The following CECR2 variants were observed in gnomAD, a reference collection of about 807,000 sequenced individuals.
CECR2 encodes the protein chromatin remodeling regulator CECR2.
CECR2 carries 30 observed loss-of-function variants against 154.5 expected under a neutral mutation model. The ratio of observed to expected loss-of-function variants is 0.19; its 90% CI spans 0.15 to 0.26. The LOEUF is 0.26. CECR2 is among the 10% of genes least tolerant of loss of function. The pLI is 1.00. For synonymous variants in CECR2, 725 were observed against 683.7 expected, an observed-to-expected ratio of 1.06 and a Z score of -0.94; for missense variants, 1,743 against 1,829.3, an observed-to-expected ratio of 0.95 and a Z score of 0.86.
chr22:17,499,093 G>C (rs180836491), intron 3 of CECR2, among the ~76,000 whole-genome samples: 2 of 152,102 alleles, frequency 1.3e-5, no homozygotes, highest in East Asian at 3.9e-4. Context: ...AGGTTCAAGC[G>C]ATTCTCCTGC....
Position 17,407,061 on chromosome 22 carries a change from TTGAG to T in CECR2, c.126+37154_126+37157del, listed in dbSNP as rs574665911. ...CAGAAACTACCAGTCCTTTGATAACTTGAGTATTAGCTTATTAGCCGTGTTCTTG... is the reference window on the plus strand; with the variant it reads ...CAGAAACTACCAGTCCTTTGATAACTTATTAGCTTATTAGCCGTGTTCTTG... On this transcript the variant is annotated intron_variant, in intron 1 of 18. Coordinates refer to ENST00000262608, the MANE Select transcript of CECR2 (RefSeq NM_001290047.2). Among the ~76,000 whole-genome samples, 18 of 152,324 alleles carry T rather than the reference TTGAG, an allele frequency of 1.2e-4. No homozygotes were observed. In the East Asian group the frequency reaches 3.3e-3, roughly 28 times the overall value.
chr22:17,465,180 TAA>T lies in CECR2; in HGVS notation c.127-12406_127-12405del, dbSNP rs1392310305. On this transcript the variant is annotated intron_variant, in intron 1 of 18. Transcript: ENST00000262608. Reference sequence around the variant, plus strand: ...CCCGGCTAAGTTTTTGTATTTTTAGTAAAGACGGGGTTTCACCGTGTTAGCCA... The same window carrying T: ...CCCGGCTAAGTTTTTGTATTTTTAGTAGACGGGGTTTCACCGTGTTAGCCA... Among the ~76,000 whole-genome samples the T allele has an allele frequency of 1.2e-4, 18 of 151,968 alleles. No individual in the cohort carries two copies. The East Asian group carries it at 3.5e-3, about 30-fold the overall frequency.
At chr22:17,521,791 A>G (rs188494282) in intron 8 of CECR2, among the ~76,000 whole-genome samples, 2 of 152,220 alleles carry the variant, frequency 1.3e-5, no homozygotes, top group Non-Finnish European at 2.9e-5. Context: ...TTTTGTTGCC[A>G]TTGCTTTTGG....
chr22:17,385,999 CT>C (rs1955447276), intron 1 of CECR2, among the ~76,000 whole-genome samples: 1 of 152,192 alleles, frequency 6.6e-6, no homozygotes, highest in Admixed American at 6.5e-5. Flanking sequence ...GCCTTCAGCA[CT>C]GCGGATTACC....
At chr22:17,452,379 T>G (rs2054785436) in intron 1 of CECR2, among the ~76,000 whole-genome samples, 1 of 152,172 alleles carries the variant, frequency 6.6e-6, no homozygotes, top group African/African-American at 2.4e-5. Context: ...AGGCTGAATT[T>G]TATTCTGAGT....
Position 17,540,625 on chromosome 22 carries a change from T to C in CECR2, c.1709T>C (p.Met570Thr). Residue 570 changes from methionine to threonine, a missense_variant, in exon 14 of 19, where the codon ATG becomes ACG. Physicochemically the swap from Met to Thr is moderately conservative, Grantham distance 81. Transcript: ENST00000262608. ...PEGSSRKQQP[M>T]ENGGKSLPPT... is the part of the protein sequence containing the mutation. ...GGGTCCAGCAGGAAACAGCAGCCCA[T>C]GGAGAATGGAGGAAAGTCGTTGCCC... The C allele has an allele frequency of 3.1e-6, 5 of 1,613,790 alleles. No homozygotes were observed. The East Asian group carries it at 6.7e-5, about 22-fold the overall frequency.
In CECR2 at chr22:17,548,339, G is replaced by A. The variant is rs993502269; in HGVS notation, c.3052G>A (p.Ala1018Thr). The change falls in exon 17 of 19, where the codon GCA becomes ACA. Residue 1018 changes from alanine (A) to threonine (T), a missense_variant. This residue lies in a region of CECR2 where 1,250 missense variants were observed against 1,192.1 expected (regional missense o/e 1.05). Transcript: ENST00000262608. Reference sequence around the variant, plus strand: ...CTCCGAATCTGCGGACAACTGTAAAGCAATGAAGGGCAAGAATCCCTGGCC... The same window carrying A: ...CTCCGAATCTGCGGACAACTGTAAAACAATGAAGGGCAAGAATCCCTGGCC... Reference protein sequence around the residue: ...SSSESADNCKAMKGKNPWPSD... With the variant: ...SSSESADNCKTMKGKNPWPSD... 3 of 1,612,016 alleles carry A rather than the reference G, an allele frequency of 1.9e-6. No homozygotes were observed. The African/African-American group carries it at 4.0e-5, about 22-fold the overall frequency.
upstream of CECR2, among the ~76,000 whole-genome samples, chr22:17,365,248 T>C (rs1460807201): frequency 6.6e-6 from 1 of 151,860 alleles, no homozygotes; most frequent in Non-Finnish European, 1.5e-5. Context: ...AGAAAAAGAT[T>C]TGGATGCTTG....
intron 1 of CECR2, among the ~76,000 whole-genome samples, chr22:17,460,098 C>T (rs1022831379): frequency 2.6e-5 from 4 of 152,148 alleles, no homozygotes; most frequent in African/African-American, 7.2e-5. Flanking sequence ...TTATAACTTC[C>T]TCTTCCAGCC....
chr22:17,421,483 C>T (rs575208965), intron 1 of CECR2, among the ~76,000 whole-genome samples: 6 of 151,334 alleles, frequency 4.0e-5, no homozygotes, highest in East Asian at 1.9e-4. Context: ...GGTGTAGTGG[C>T]GGGCGCCTGT....
chr22:17,376,894 C>T (rs2063125482), intron 1 of CECR2, among the ~76,000 whole-genome samples: 1 of 152,122 alleles, frequency 6.6e-6, no homozygotes. Context: ...CCTCGGCCTC[C>T]CAAAGTACTG....
At chr22:17,433,821 A>G (rs1295037192) in intron 1 of CECR2, among the ~76,000 whole-genome samples, 2 of 152,116 alleles carry the variant, frequency 1.3e-5, no homozygotes, top group Non-Finnish European at 2.9e-5. Flanking sequence ...ATTGCTGAAA[A>G]TTGGTTCTTT....
At chr22:17,534,058 A>T (rs1467709552) in intron 9 of CECR2, among the ~76,000 whole-genome samples, 6 of 152,174 alleles carry the variant, frequency 3.9e-5, no homozygotes, top group Non-Finnish European at 1.5e-5. Flanking sequence ...GATAGGGTCA[A>T]TCATTATGCC....
Position 17,518,203 on chromosome 22 carries a change from C to A in CECR2, c.955-5915C>A, listed in dbSNP as rs928190445. On this transcript the variant is annotated intron_variant, in intron 8 of 18. Transcript: ENST00000262608. ...TAGGAGAGAGAGCCATTCTGAGGAG[C>A]GTTTACATAAATTAAGTGATTAGGC... 2.0e-5 allele frequency among the ~76,000 whole-genome samples: 3 copies of A among 152,156 alleles called. 1 individual carries two copies. Among genetic ancestry groups the A allele is most frequent in the Non-Finnish European group, 4.4e-5 (3 of 68,040 alleles).
In CECR2 at chr22:17,414,270, C is replaced by T. The variant is rs1043022570; in HGVS notation, c.126+44361C>T. ...TACAGGCGTGAGCCACTGCGCCCGG[C>T]GGAAGGAGGATTATTAATCACTCTA... On this transcript the variant is annotated intron_variant, in intron 1 of 18. Coordinates refer to ENST00000262608, the MANE Select transcript of CECR2 (RefSeq NM_001290047.2). 4.6e-5 allele frequency among the ~76,000 whole-genome samples: 7 copies of T among 152,188 alleles called. No individual in the cohort carries two copies. In the East Asian group the frequency reaches 5.8e-4, roughly 13 times the overall value.
chr22:17,365,856 T>C (rs2146423607), upstream of CECR2, among the ~76,000 whole-genome samples: 1 of 148,876 alleles, frequency 6.7e-6, no homozygotes, highest in East Asian at 2.0e-4. Flanking sequence ...GGAGACCCCC[T>C]ATGTAAAAAA....
At chr22:17,416,361 A>G (rs768114525) in intron 1 of CECR2, among the ~76,000 whole-genome samples, 4 of 152,076 alleles carry the variant, frequency 2.6e-5, no homozygotes, top group Non-Finnish European at 5.9e-5. Flanking sequence ...ATTGTCACTG[A>G]CCTTTTTTTG....
chr22:17,399,349 C>T (rs1205585696), intron 1 of CECR2, among the ~76,000 whole-genome samples: 1 of 151,598 alleles, frequency 6.6e-6, no homozygotes, highest in African/African-American at 2.4e-5. Context: ...AAAGTCTTCT[C>T]CTGGGAAGAT....
chr22:17,411,012 G>A (rs2054060908), intron 1 of CECR2, among the ~76,000 whole-genome samples: 1 of 152,180 alleles, frequency 6.6e-6, no homozygotes, highest in Admixed American at 6.5e-5. Context: ...GTAGAGCCAA[G>A]CCTAGCAGTT....
Sources: allele counts gnomAD v4.1 joint callset (sites outside exome capture counted in the v4.1 genomes callset), GRCh38; gene constraint gnomAD v4.1.1; regional missense constraint gnomAD v4.1.1; transcripts MANE v1.5; gene names NCBI Gene and HGNC (gene_info 2026-07-23, HGNC 2026-07-21).